The following ADAMTS10 variants were observed in gnomAD, a reference collection of about 807,000 sequenced individuals.
The protein encoded by ADAMTS10 is A disintegrin and metalloproteinase with thrombospondin motifs 10.
ADAMTS10 carries 48 observed loss-of-function variants against 135.9 expected under a neutral mutation model. The ratio of observed to expected loss-of-function variants is 0.35; its 90% CI spans 0.28 to 0.45. The LOEUF (loss-of-function observed/expected upper bound fraction) is 0.45. Ranked by LOEUF, ADAMTS10 falls within the 20% of genes least tolerant of loss-of-function variation. The pLI, the probability that ADAMTS10 is intolerant of heterozygous loss-of-function variation, is 1.00. For synonymous variants in ADAMTS10, 621 were observed against 647.5 expected, an observed-to-expected ratio of 0.96 and a Z score of 0.62; for missense variants, 1,131 against 1,565.2, an observed-to-expected ratio of 0.72 and a Z score of 4.68.
At chr19:8,588,111 T>C (rs2042464022) in intron 18 of ADAMTS10, among the ~76,000 whole-genome samples, 1 of 151,610 alleles carries the variant, frequency 6.6e-6, no homozygotes, top group South Asian at 2.1e-4. Context: ...TAGCCGGGCA[T>C]GTAGTGCATG....
chr19:8,589,252 T>C lies in ADAMTS10; in HGVS notation c.2148A>G (p.Ser716=). The C allele has an allele frequency of 1.2e-6, 2 of 1,612,600 alleles. No homozygotes were observed. Among genetic ancestry groups the C allele is most frequent in the Non-Finnish European group, 1.7e-6 (2 of 1,179,952 alleles). Residue 716 remains serine, a synonymous_variant, in exon 18 of 26, where the codon TCA becomes TCG. Transcript: ENST00000597188. ...ETIEGVFSPA[S]PGAGYEDVVW... The stretch of plus-strand genomic sequence containing the variant: ...GCTGGAGACTCTCACCGGCCCCAGG[T>C]GAGGCTGGGCTGAAGACGCCCTCGA...
chr19:8,602,774 C>T (rs559062322), intron 5 of ADAMTS10, among the ~76,000 whole-genome samples: 3 of 152,190 alleles, frequency 2.0e-5, no homozygotes, highest in African/African-American at 4.8e-5. Flanking sequence ...TACAGGAGCA[C>T]ACCACCACAC....
chr19:8,601,770 C>A lies in ADAMTS10; in HGVS notation c.593-625G>T, dbSNP rs1404099843. ...CTACCATGATGTCACTGTCCCTCTGCCAAACTGTTGAGTTGAATAACAGCC... is the reference window on the plus strand; with the variant it reads ...CTACCATGATGTCACTGTCCCTCTGACAAACTGTTGAGTTGAATAACAGCC... On this transcript the variant is annotated intron_variant, in intron 5 of 25. Transcript: ENST00000597188. The surrounding 1 kb of genome is among the most constrained non-coding windows in gnomAD (Gnocchi z 4.6). 6.6e-6 allele frequency among the ~76,000 whole-genome samples: 1 copy of A among 152,110 alleles called. No individual in the cohort carries two copies. Among genetic ancestry groups the A allele is most frequent in the Non-Finnish European group, 1.5e-5 (1 of 68,022 alleles).
rs1328468596 is a variant in ADAMTS10, at chr19:8,580,850, G to A, written c.*43C>T. 3 of 1,501,224 alleles carry A rather than the reference G, an allele frequency of 2.0e-6. No homozygotes were observed. 93.0% of individuals were successfully genotyped at this position (1,501,224 alleles called of 1,614,324 possible). A position where few individuals can be genotyped will look rare whatever the true frequency, so the allele number is the denominator to read the frequency against. On this transcript the variant is annotated 3_prime_UTR_variant, in exon 26 of 26. Transcript: ENST00000597188. The stretch of plus-strand genomic sequence containing the variant: ...CTGGCCGGCCCGCTGCAGGGCTGGC[G>A]GCGGAGACCCCGCCAGCTGTGGCTC...
rs1289076536 is a variant in ADAMTS10 at position 8,586,255 on chromosome 19, G to C, written c.2531-4C>G. 6.2e-7 allele frequency: 1 copy of C among 1,613,044 alleles called. No homozygotes were observed. Among genetic ancestry groups the C allele is most frequent in the African/African-American group, 1.3e-5 (1 of 74,892 alleles). ...TCCACCGCCTGCACCTGGCTACCTGGAGGGGAGGGTGAGAGGCCTGCTCAG... is the reference window on the plus strand; with the variant it reads ...TCCACCGCCTGCACCTGGCTACCTGCAGGGGAGGGTGAGAGGCCTGCTCAG... On this transcript the variant is annotated splice_polypyrimidine_tract_variant and splice_region_variant and intron_variant, in intron 21 of 25. Coordinates refer to ENST00000597188, the MANE Select transcript of ADAMTS10 (RefSeq NM_030957.4).
At chr19:8,592,615 G>C in intron 13 of ADAMTS10, 148 bp downstream of exon 13, 1 of 819,302 alleles carries the variant, frequency 1.2e-6, no homozygotes. Flanking sequence ...AGCAGTAGGC[G>C]TGGCCACAGC....
In ADAMTS10 at chr19:8,584,835, C is replaced by A; in HGVS notation, c.3202+60G>T. On this transcript the variant is annotated intron_variant, in intron 25 of 25. Coordinates refer to ENST00000597188, the MANE Select transcript of ADAMTS10 (RefSeq NM_030957.4). ...AGGATGAAGTCAGGACCCCCAATGC[C>A]CTCTGTGGCTGCCTCTGGCCAGGAC... is the stretch of plus-strand genomic sequence containing the variant. 2.6e-6 allele frequency: 4 copies of A among 1,543,380 alleles called. No individual in the cohort carries two copies. The South Asian group carries it at 4.8e-5, about 18-fold the overall frequency.
At position 8,605,093 on chromosome 19, in the gene ADAMTS10, G is replaced by T. The variant is rs1555742236; in HGVS notation, c.354C>A (p.Ala118=). Residue 118 remains alanine, a synonymous_variant, in exon 4 of 26, where the codon GCC becomes GCA. Transcript: ENST00000597188. This position sits in a 1 kb window ranked among gnomAD's most constrained non-coding sequence, Gnocchi z 7.7. Reference sequence around the variant, plus strand: ...GACCAGCGTAGAGGCAGTGGGGCCGGGCCGCCCTCTGCCAGGCCAGGCCCT... The same window carrying T: ...GACCAGCGTAGAGGCAGTGGGGCCGTGCCGCCCTCTGCCAGGCCAGGCCCT... The part of the protein sequence containing the change: ...TREGLAWQRA[A]RPHCLYAGHL... The T allele has an allele frequency of 6.2e-7, 1 of 1,612,904 alleles. No homozygotes were observed. The highest frequency in any genetic ancestry group is 1.1e-5 in the South Asian group (1 of 90,954).
In ADAMTS10 at chr19:8,585,289, G is replaced by A. The variant is rs1555736701; in HGVS notation, c.2885C>T (p.Pro962Leu). Residue 962 changes from proline (P) to leucine (L), a missense_variant, in exon 24 of 26, where the codon CCG becomes CTG. Physicochemically the swap from Pro to Leu is moderately conservative, Grantham distance 98. Transcript: ENST00000597188. ...AAGGACCACGCGGTGGCGGAGGCCC[G>A]GCCCGCAGCTGGGGGTGCACTGCAG... Reference protein sequence around the residue: ...DWSECTPSCGPGLRHRVVLCK... With the variant: ...DWSECTPSCGLGLRHRVVLCK... 8 of 1,520,060 alleles carry A rather than the reference G, an allele frequency of 5.3e-6. No individual in the cohort carries two copies. Among genetic ancestry groups the A allele is most frequent in the Non-Finnish European group, 7.1e-6 (8 of 1,133,890 alleles). 94.2% of individuals were successfully genotyped at this position (1,520,060 alleles called of 1,614,324 possible). A position where few individuals can be genotyped will look rare whatever the true frequency, so the allele number is the denominator to read the frequency against.
At position 8,585,553 on chromosome 19, in the gene ADAMTS10, A is replaced by G; in HGVS notation, c.2768T>C (p.Leu923Pro). ...CGGCTGCGGGCATGCGCTGTCGTCC[A>G]GCGCCTTCTCCTCCGCGGCAGAGAC... is the stretch of plus-strand genomic sequence containing the variant. ...RRVSAAEEKA[L>P]DDSACPQPRP... The change falls in exon 23 of 26, where the codon CTG (leucine) becomes CCG (proline). Residue 923 changes from leucine (L) to proline (P), a missense_variant. Leu to Pro is a moderately conservative substitution (Grantham distance 98). Coordinates refer to ENST00000597188, the MANE Select transcript of ADAMTS10 (RefSeq NM_030957.4). 6.3e-7 allele frequency: 1 copy of G among 1,593,984 alleles called. No homozygotes were observed. Among genetic ancestry groups the G allele is most frequent in the Non-Finnish European group, 8.5e-7 (1 of 1,171,208 alleles).
intron 2 of ADAMTS10, among the ~76,000 whole-genome samples, chr19:8,607,258 C>G (rs1268535786): frequency 6.6e-6 from 1 of 152,180 alleles, no homozygotes; most frequent in Non-Finnish European, 1.5e-5. Flanking sequence ...GTCCTGCAGA[C>G]TTTCATATGC....
At position 8,589,373 on chromosome 19, in the gene ADAMTS10, G is replaced by A; in HGVS notation, c.2035-8C>T. Reference sequence around the variant, plus strand: ...TCGGTCGCAGCCCACGTGCTGCGTGGAGAAGGCGTGAGTGAGGCGACCCCC... The same window carrying A: ...TCGGTCGCAGCCCACGTGCTGCGTGAAGAAGGCGTGAGTGAGGCGACCCCC... On this transcript the variant is annotated splice_region_variant and splice_polypyrimidine_tract_variant and intron_variant, in intron 17 of 25. Coordinates refer to ENST00000597188, the MANE Select transcript of ADAMTS10 (RefSeq NM_030957.4). 1.2e-6 allele frequency: 2 copies of A among 1,612,076 alleles called. No individual in the cohort carries two copies. Among genetic ancestry groups the A allele is most frequent in the Non-Finnish European group, 8.5e-7 (1 of 1,179,892 alleles).
chr19:8,592,211 G>GATGGGGCTGGAAGGGT (rs1555739185), intron 13 of ADAMTS10, 108 bp from the exon 14 acceptor site: 5 of 1,566,082 alleles, frequency 3.2e-6, no homozygotes, highest in Non-Finnish European at 4.3e-6. Context: ...GCCTCTCCGG[G>GATGGGGCTGGAAGGGT]ATGGGCAGAG....
intron 25 of ADAMTS10, among the ~76,000 whole-genome samples, chr19:8,584,486 A>G (rs2042396235): frequency 7.0e-6 from 1 of 142,674 alleles, no homozygotes. Context: ...ATCTCTCCAA[A>G]AAAGAAAAAC....
At chr19:8,585,434 G>A (rs1555736755) in intron 23 of ADAMTS10, 22 bp downstream of exon 23, 1 of 1,537,156 alleles carries the variant, frequency 6.5e-7, no homozygotes, top group Non-Finnish European at 8.8e-7. Flanking sequence ...CCCAGTGGGC[G>A]CGAAGGAAGG....
intron 12 of ADAMTS10, 63 bp downstream of exon 12, chr19:8,595,699 C>CCCGA: frequency 4.9e-5 from 39 of 799,684 alleles, no homozygotes; most frequent in Non-Finnish European, 7.5e-5. Flanking sequence ...TGGTGGAGTT[C>CCCGA]CCTCCCCCAG....
Position 8,580,992 on chromosome 19 carries a change from A to T in ADAMTS10, c.3213T>A (p.Asp1071Glu). 6.2e-7 allele frequency: 1 copy of T among 1,613,172 alleles called. No individual in the cohort carries two copies. The highest frequency in any genetic ancestry group is 8.5e-7 in the Non-Finnish European group (1 of 1,179,476). The stretch of plus-strand genomic sequence containing the variant: ...GGGGGCAGTAGGCGACCTTGTTCAC[A>T]TCCTTGCACTCTGCGGGGACGGGAG... ...TPGDGPEECK[D>E]VNKVAYCPLV... The change falls in exon 26 of 26, where the codon GAT (aspartate) becomes GAA (glutamate). Residue 1071 changes from aspartate to glutamate, a missense_variant. Physicochemically the swap from Asp to Glu is conservative, Grantham distance 45 (BLOSUM62 2). Around this residue, in one of 3 missense-constraint regions of ADAMTS10, gnomAD observed 745 missense variants for 1,056.3 expected, o/e 0.71. Transcript: ENST00000597188.
At chr19:8,589,621 C>G in intron 16 of ADAMTS10, 36 bp from the exon 17 acceptor site, 1 of 1,612,240 alleles carries the variant, frequency 6.2e-7, no homozygotes, top group Non-Finnish European at 8.5e-7. Context: ...ACGGGCCAGG[C>G]CACCCCGGAA....
chr19:8,606,446 G>C (rs1416745321), intron 2 of ADAMTS10, among the ~76,000 whole-genome samples: 1 of 152,162 alleles, frequency 6.6e-6, no homozygotes, highest in African/African-American at 2.4e-5. Context: ...ATGTGACCCA[G>C]GCTGGAGTGC....
Sources: allele counts gnomAD v4.1 joint callset (sites outside exome capture counted in the v4.1 genomes callset), GRCh38; gene constraint gnomAD v4.1.1; regional missense constraint gnomAD v4.1.1; non-coding constraint Gnocchi (gnomAD v3.1); transcripts MANE v1.5; gene names NCBI Gene and HGNC (gene_info 2026-07-23, HGNC 2026-07-21).